The following MARCHF1 variants were observed in gnomAD, a reference collection of about 807,000 sequenced individuals.
MARCHF1 encodes the protein E3 ubiquitin-protein ligase MARCHF1.
Under a neutral mutation model 54.2 loss-of-function variants are expected in MARCHF1, and 40 were observed. The ratio of observed to expected loss-of-function variants is 0.74; its 90% CI spans 0.57 to 0.96. The LOEUF is 0.96. Ranked by LOEUF, MARCHF1 falls within the 40% of genes least tolerant of loss-of-function variation. The probability of loss-of-function intolerance (pLI) is 0.00; values close to 1 mark genes in which losing one functional copy is unlikely to be tolerated. For missense variants in MARCHF1, 586 were observed against 656.5 expected, an observed-to-expected ratio of 0.89 and a Z score of 1.17; for synonymous variants, 236 against 236.3, an observed-to-expected ratio of 1.00 and a Z score of 0.01.
Position 163,975,188 on chromosome 4 carries a change from T to TCA in MARCHF1, c.-39+13312_-39+13313insTG, listed in dbSNP as rs1227026259. Among the ~76,000 whole-genome samples the TCA allele has an allele frequency of 1.7e-3, 225 of 133,924 alleles. 2 individuals carry two copies. The highest frequency in any genetic ancestry group is 7.4e-3 in the African/African-American group (217 of 29,390). The allele number at this position is 133,924 out of a possible 152,430, so 87.9% of individuals were successfully genotyped here. A position where few individuals can be genotyped will look rare whatever the true frequency, so the allele number is the denominator to read the frequency against. On this transcript the variant is annotated intron_variant, in intron 3 of 9. Transcript: ENST00000514618. The stretch of plus-strand genomic sequence containing the variant: ...AGCTCTCTCTCTCTCTCTCTCTCTC[T>TCA]CTCTCTCTCACACACACACACACAC...
At chr4:164,164,400 G>A (rs1369033509) in intron 1 of MARCHF1, among the ~76,000 whole-genome samples, 1 of 151,646 alleles carries the variant, frequency 6.6e-6, no homozygotes, top group Non-Finnish European at 1.5e-5. Context: ...ATGACAAAAT[G>A]GCATAAGACA....
chr4:163,961,916 C>T (rs1024863525), intron 3 of MARCHF1, among the ~76,000 whole-genome samples: 8 of 151,778 alleles, frequency 5.3e-5, no homozygotes, highest in East Asian at 3.9e-4. Flanking sequence ...TGTGCTGTAA[C>T]GTTTTTCATT....
chr4:164,004,702 AC>A (rs143975374), intron 2 of MARCHF1, among the ~76,000 whole-genome samples: 6 of 150,712 alleles, frequency 4.0e-5, no homozygotes, highest in Non-Finnish European at 7.4e-5. Context: ...CTGAAAAATC[AC>A]CCCCCCCAAC....
chr4:163,756,166 G>A (rs990821718), intron 4 of MARCHF1, among the ~76,000 whole-genome samples: 21 of 152,128 alleles, frequency 1.4e-4, no homozygotes, highest in Non-Finnish European at 2.9e-4. Flanking sequence ...GACCATCACA[G>A]AAGCCCACGT....
At chr4:164,050,530 C>G (rs563173623) in intron 2 of MARCHF1, among the ~76,000 whole-genome samples, 1 of 152,218 alleles carries the variant, frequency 6.6e-6, no homozygotes, top group South Asian at 2.1e-4. Flanking sequence ...TATCTCATCT[C>G]CATTACTAGA....
intron 8 of MARCHF1, among the ~76,000 whole-genome samples, chr4:163,565,370 GT>G (rs1360806266): frequency 6.6e-6 from 1 of 152,158 alleles, no homozygotes; most frequent in Non-Finnish European, 1.5e-5. Context: ...TTGTGACAAG[GT>G]TTGCAACAGT....
At chr4:163,561,950 A>G (rs1336655222) in intron 8 of MARCHF1, among the ~76,000 whole-genome samples, 4 of 152,090 alleles carry the variant, frequency 2.6e-5, no homozygotes, top group Non-Finnish European at 5.9e-5. Flanking sequence ...CCAAATGTCA[A>G]CCCTTTCTCA....
intron 5 of MARCHF1, among the ~76,000 whole-genome samples, chr4:163,700,041 ACTTGC>A (rs1346864835): frequency 6.6e-6 from 1 of 152,050 alleles, no homozygotes; most frequent in African/African-American, 2.4e-5. Flanking sequence ...GATTTCTAAA[ACTTGC>A]CTTGGTGACA....
At chr4:163,749,027 C>A (rs1579254177) in intron 4 of MARCHF1, among the ~76,000 whole-genome samples, 1 of 152,242 alleles carries the variant, frequency 6.6e-6, no homozygotes, top group Non-Finnish European at 1.5e-5. Context: ...TATTCCTTTT[C>A]TTTAGTCTAT....
chr4:164,244,074 C>T lies in MARCHF1; in HGVS notation c.-322-132412G>A, dbSNP rs910944856. Reference sequence around the variant, plus strand: ...GAGACAGAAAGTTAACAAGGATATCCAGGAATTGAACTCAGCTCTGCACCA... The same window carrying T: ...GAGACAGAAAGTTAACAAGGATATCTAGGAATTGAACTCAGCTCTGCACCA... On this transcript the variant is annotated intron_variant, in intron 1 of 9. Transcript: ENST00000514618. Among the ~76,000 whole-genome samples, 43 of 152,002 alleles carry T rather than the reference C, an allele frequency of 2.8e-4. 1 individual carries two copies. The highest frequency in any genetic ancestry group is 6.3e-4 in the Non-Finnish European group (43 of 68,018).
At position 163,612,754 on chromosome 4, in the gene MARCHF1, C is replaced by T. The variant is rs1579112463; in HGVS notation, c.527G>A (p.Arg176Lys). 1.3e-6 allele frequency: 2 copies of T among 1,535,430 alleles called. No homozygotes were observed. Among genetic ancestry groups the T allele is most frequent in the Non-Finnish European group, 8.7e-7 (1 of 1,146,494 alleles). ...TGACAGTCTGAATTTAACCTGGGCTCTTCTTTTTGCCTGAATCCAATGACT... is the reference window on the plus strand; with the variant it reads ...TGACAGTCTGAATTTAACCTGGGCTTTTCTTTTTGCCTGAATCCAATGACT... ...DESHWIQAKR[R>K]AQVKFRLSRR... The change falls in exon 7 of 10, where the codon AGA (arginine) becomes AAA (lysine). Residue 176 changes from arginine to lysine, a missense_variant. By Grantham distance (26) the Arg-to-Lys change is conservative (BLOSUM62 2). Around this residue, in one of 3 missense-constraint regions of MARCHF1, gnomAD observed 387 missense variants for 394.6 expected, o/e 0.98. Transcript: ENST00000514618.
intron 5 of MARCHF1, among the ~76,000 whole-genome samples, chr4:163,698,305 C>T (rs958776584): frequency 6.6e-6 from 1 of 152,110 alleles, no homozygotes; most frequent in Non-Finnish European, 1.5e-5. Context: ...CTAGATTTGG[C>T]CACTTCATGA....
At chr4:164,092,740 C>T (rs1290407522) in intron 2 of MARCHF1, among the ~76,000 whole-genome samples, 2 of 152,082 alleles carry the variant, frequency 1.3e-5, no homozygotes, top group African/African-American at 4.8e-5. Flanking sequence ...TGCCACCAGT[C>T]CACTATTGAG....
intron 2 of MARCHF1, among the ~76,000 whole-genome samples, chr4:164,086,473 GCTTCACT>G (rs1395146800): frequency 1.3e-5 from 2 of 151,894 alleles, no homozygotes. Flanking sequence ...AGTTCAATAT[GCTTCACT>G]ACTGTACACA....
intron 9 of MARCHF1, among the ~76,000 whole-genome samples, chr4:163,544,710 C>A (rs1414684437): frequency 2.0e-5 from 3 of 152,028 alleles, no homozygotes; most frequent in African/African-American, 7.2e-5. Context: ...TACCTCCTCT[C>A]TTTTTTTGTT....
At chr4:164,160,689 C>G in intron 1 of MARCHF1, among the ~76,000 whole-genome samples, 1 of 152,134 alleles carries the variant, frequency 6.6e-6, no homozygotes, top group East Asian at 1.9e-4. Flanking sequence ...ATGAATTCAA[C>G]CACTGACAGT....
chr4:163,620,663 ACAC>A (rs1741664061), intron 5 of MARCHF1, among the ~76,000 whole-genome samples: 3 of 151,640 alleles, frequency 2.0e-5, no homozygotes, highest in African/African-American at 7.3e-5. Context: ...ACACACACAC[ACAC>A]ATTTATAGAA....
At chr4:163,571,027 G>T (rs1467792205) in intron 8 of MARCHF1, among the ~76,000 whole-genome samples, 1 of 152,076 alleles carries the variant, frequency 6.6e-6, no homozygotes, top group Non-Finnish European at 1.5e-5. Flanking sequence ...TTTGGACAGG[G>T]TAATCTTTAT....
chr4:163,986,675 G>T (rs1258941675), intron 3 of MARCHF1, among the ~76,000 whole-genome samples: 1 of 152,100 alleles, frequency 6.6e-6, no homozygotes, highest in Non-Finnish European at 1.5e-5. Context: ...CAAGATATTT[G>T]TGAAGATGTT....
Sources: allele counts gnomAD v4.1 joint callset (sites outside exome capture counted in the v4.1 genomes callset), GRCh38; gene constraint gnomAD v4.1.1; regional missense constraint gnomAD v4.1.1; transcripts MANE v1.5; gene names NCBI Gene and HGNC (gene_info 2026-07-23, HGNC 2026-07-21).